Variants in INPP4B observed in about 807,000 individuals in gnomAD.
INPP4B encodes the protein inositol polyphosphate-4-phosphatase type II B.
In INPP4B, 55 loss-of-function variants were observed where a neutral mutation model predicts 122.5. That is an observed-to-expected ratio of 0.45 (90% CI 0.36 to 0.56). The LOEUF is 0.56. INPP4B is among the 20% of genes least tolerant of loss of function. The pLI is 0.00. For synonymous variants in INPP4B, 403 were observed against 388.7 expected (o/e 1.04, Z -0.43); for missense variants, 1,000 against 1,097.7 (o/e 0.91, Z 1.26).
At chr4:142,717,208 C>T (rs896167088) in intron 2 of INPP4B, among the ~76,000 whole-genome samples, 1 of 152,118 alleles carries the variant, frequency 6.6e-6, no homozygotes, top group Non-Finnish European at 1.5e-5. Context: ...GCATGAAGGA[C>T]AGTAAATTTT....
At chr4:142,147,277 T>C (rs930144060) in intron 17 of INPP4B, among the ~76,000 whole-genome samples, 1 of 152,202 alleles carries the variant, frequency 6.6e-6, no homozygotes, top group African/African-American at 2.4e-5. Flanking sequence ...CCAAAGCTAA[T>C]TTTGCTACTT....
chr4:142,066,939 T>A (rs1763859773), intron 25 of INPP4B, among the ~76,000 whole-genome samples: 1 of 152,232 alleles, frequency 6.6e-6, no homozygotes, highest in Admixed American at 6.5e-5. Context: ...TTCTGCAGAC[T>A]TAAACCTCCT....
chr4:142,114,401 C>G (rs1791877142), intron 21 of INPP4B, among the ~76,000 whole-genome samples: 1 of 152,016 alleles, frequency 6.6e-6, no homozygotes, highest in Non-Finnish European at 1.5e-5. Context: ...ATTCCACCAG[C>G]AATGTACAAG....
intron 2 of INPP4B, among the ~76,000 whole-genome samples, chr4:142,588,107 TC>T (rs1158696922): frequency 2.0e-5 from 3 of 151,858 alleles, no homozygotes; most frequent in Non-Finnish European, 2.9e-5. Context: ...TTTATAAAAT[TC>T]AACATGTATT....
chr4:142,645,773 C>T (rs1182636359), intron 2 of INPP4B, among the ~76,000 whole-genome samples: 2 of 152,150 alleles, frequency 1.3e-5, no homozygotes, highest in African/African-American at 2.4e-5. Flanking sequence ...TAAGCCACTG[C>T]CATTTTGGTT....
chr4:142,243,492 G>C (rs1266290617), intron 11 of INPP4B, among the ~76,000 whole-genome samples: 1 of 152,204 alleles, frequency 6.6e-6, no homozygotes, highest in Admixed American at 6.5e-5. Flanking sequence ...AATCTAGGGA[G>C]GAAGTGAAAA....
At position 142,112,585 on chromosome 4, in the gene INPP4B, G is replaced by C; in HGVS notation, c.2233C>G (p.Leu745Val). 1 of 1,613,210 alleles carries C rather than the reference G, an allele frequency of 6.2e-7. No individual in the cohort carries two copies. The highest frequency in any genetic ancestry group is 8.5e-7 in the Non-Finnish European group (1 of 1,179,460). The change falls in exon 22 of 26, where the codon CTT (leucine) becomes GTT (valine). Residue 745 changes from leucine (L) to valine (V), a missense_variant. By Grantham distance (32) the Leu-to-Val change is conservative (BLOSUM62 1). Coordinates refer to ENST00000262992, the MANE Select transcript of INPP4B (RefSeq NM_001101669.3). ...TGTTCATTGATTCCAACATTAAAAA[G>C]TACTGGATACACATGAAGCAACTGT... ...EGQLLHVYPV[L>V]FNVGINEQQT... is the part of the protein sequence containing the mutation.
intron 2 of INPP4B, among the ~76,000 whole-genome samples, chr4:142,603,400 A>C (rs1460072802): frequency 1.3e-5 from 2 of 152,188 alleles, no homozygotes; most frequent in Non-Finnish European, 2.9e-5. Flanking sequence ...GTTGAAAAAA[A>C]GAAAAAAAAT....
intron 2 of INPP4B, among the ~76,000 whole-genome samples, chr4:142,654,259 A>C (rs1196163133): frequency 1.3e-5 from 2 of 151,786 alleles, no homozygotes; most frequent in Non-Finnish European, 2.9e-5. Flanking sequence ...ATTAGGAGAA[A>C]TACCTAATGT....
chr4:142,172,600 A>AT (rs931432440), intron 16 of INPP4B, among the ~76,000 whole-genome samples: 1 of 151,902 alleles, frequency 6.6e-6, no homozygotes, highest in African/African-American at 2.4e-5. Flanking sequence ...GATATTAACT[A>AT]TTTTTTCATG....
chr4:142,705,949 C>A (rs907596278), intron 2 of INPP4B, among the ~76,000 whole-genome samples: 12 of 152,170 alleles, frequency 7.9e-5, no homozygotes, highest in Non-Finnish European at 1.8e-4. Context: ...CAAATTAAAA[C>A]CATTTAGTGG....
At chr4:142,658,421 T>C (rs1431582192) in intron 2 of INPP4B, among the ~76,000 whole-genome samples, 1 of 152,226 alleles carries the variant, frequency 6.6e-6, no homozygotes, top group African/African-American at 2.4e-5. Flanking sequence ...TGACTTTTGG[T>C]TTAAATATTG....
rs376068618 is a variant in INPP4B, at chr4:142,080,760, A to G, written c.2642+1271T>C. On this transcript the variant is annotated intron_variant, in intron 25 of 25. Transcript: ENST00000262992. ...TTGTTACCTAAATCAGTTTAGTCCCATGGTGTACCTGACCTATAATATCAT... is the reference window on the plus strand; with the variant it reads ...TTGTTACCTAAATCAGTTTAGTCCCGTGGTGTACCTGACCTATAATATCAT... Among the ~76,000 whole-genome samples the G allele has an allele frequency of 5.0e-4, 76 of 152,284 alleles. 1 individual carries two copies. Among genetic ancestry groups the G allele is most frequent in the African/African-American group, 1.7e-3 (69 of 41,568 alleles).
intron 2 of INPP4B, among the ~76,000 whole-genome samples, chr4:142,548,372 A>C (rs1200018067): frequency 1.3e-5 from 2 of 152,220 alleles, no homozygotes; most frequent in Non-Finnish European, 2.9e-5. Flanking sequence ...ATCCAAACAG[A>C]GACACAAAAA....
At chr4:142,286,746 A>C (rs574650228) in intron 9 of INPP4B, among the ~76,000 whole-genome samples, 1 of 152,328 alleles carries the variant, frequency 6.6e-6, no homozygotes, top group African/African-American at 2.4e-5. Context: ...TTTATCCAAG[A>C]GTAGAAGAAA....
chr4:142,844,946 G>C (rs1280943514), intron 1 of INPP4B, among the ~76,000 whole-genome samples: 1 of 152,158 alleles, frequency 6.6e-6, no homozygotes, highest in Non-Finnish European at 1.5e-5. Flanking sequence ...TTATAAACAA[G>C]TTCTGTCTGT....
At chr4:142,177,036 T>A (rs1828651152) in intron 15 of INPP4B, among the ~76,000 whole-genome samples, 1 of 152,092 alleles carries the variant, frequency 6.6e-6, no homozygotes, top group Non-Finnish European at 1.5e-5. Flanking sequence ...TTCCCTTTCC[T>A]CTCCCCAATA....
intron 1 of INPP4B, among the ~76,000 whole-genome samples, chr4:142,836,719 T>TACACACACACACACAC (rs138777384): frequency 0.014 from 2,057 of 146,450 alleles, 26 homozygotes; most frequent in African/African-American, 0.033. Flanking sequence ...AAGTACTGTC[T>TACACACACACACACAC]ACACACACAC....
At chr4:142,635,212 A>G (rs1487221825) in intron 2 of INPP4B, among the ~76,000 whole-genome samples, 3 of 152,178 alleles carry the variant, frequency 2.0e-5, no homozygotes, top group Non-Finnish European at 4.4e-5. Flanking sequence ...AAAATAACAG[A>G]TGCTGGAGAG....
Sources: gnomAD v4.1 joint callset for allele counts (sites outside exome capture counted in the v4.1 genomes callset) on GRCh38, gnomAD v4.1.1 for gene constraint, MANE v1.5 for transcripts, NCBI Gene and HGNC (gene_info 2026-07-23, HGNC 2026-07-21) for gene names.